The following MID1 variants were observed in gnomAD, a reference collection of about 807,000 sequenced individuals.
MID1 encodes E3 ubiquitin-protein ligase Midline-1.
Under a neutral mutation model 40.4 loss-of-function variants are expected in MID1, and 7 were observed. The observed-to-expected ratio is 0.17, with a 90% CI of 0.10 to 0.33. The LOEUF (loss-of-function observed/expected upper bound fraction) is 0.33. MID1 is among the 10% of genes least tolerant of loss of function. The pLI is 1.00. For missense variants in MID1, 367 were observed against 558.5 expected, an observed-to-expected ratio of 0.66 and a Z score of 3.46; for synonymous variants, 229 against 221.2, an observed-to-expected ratio of 1.04 and a Z score of -0.31.
chrX:10,583,745 G>A (rs749217902), intron 1 of MID1, among the ~76,000 whole-genome samples: 3 of 111,885 alleles, frequency 2.7e-5, no homozygotes, highest in African/African-American at 9.7e-5. Flanking sequence ...AAAGAACAGC[G>A]ATTTAGGCCA....
intron 8 of MID1, among the ~76,000 whole-genome samples, chrX:10,457,690 T>C (rs774314884): frequency 3.6e-5 from 4 of 112,308 alleles, no homozygotes; most frequent in South Asian, 3.7e-4. Flanking sequence ...CCACCAATCA[T>C]TGGTATACAA....
At chrX:10,502,637 C>G (rs1241500749) in intron 3 of MID1, among the ~76,000 whole-genome samples, 1 of 111,909 alleles carries the variant, frequency 8.9e-6, no homozygotes, top group African/African-American at 3.2e-5. Context: ...ACCTTGCCAT[C>G]TTTGAAACCA....
intron 1 of MID1, among the ~76,000 whole-genome samples, chrX:10,646,978 A>C (rs1229264681): frequency 8.9e-6 from 1 of 111,746 alleles, no homozygotes; most frequent in Non-Finnish European, 1.9e-5. Context: ...ACAATATCTT[A>C]ATTGGAGGAT....
intron 1 of MID1, among the ~76,000 whole-genome samples, chrX:10,737,859 A>G (rs2018143883): frequency 9.0e-6 from 1 of 110,793 alleles, no homozygotes; most frequent in Admixed American, 9.6e-5. Context: ...AGACAAGAAT[A>G]CTCTTAAAGA....
chrX:10,824,026 T>G (rs1042162210), intron 1 of MID1, among the ~76,000 whole-genome samples: 1 of 112,155 alleles, frequency 8.9e-6, no homozygotes, highest in African/African-American at 3.2e-5. Context: ...ACTCATATAT[T>G]GATTTATGCT....
chrX:10,607,496 C>T (rs1935646599), intron 1 of MID1, among the ~76,000 whole-genome samples: 1 of 111,760 alleles, frequency 8.9e-6, no homozygotes, highest in Non-Finnish European at 1.9e-5. Context: ...AATCCTGACC[C>T]GGGAGAATCT....
chrX:10,634,702 G>A (rs1936090228), intron 1 of MID1, among the ~76,000 whole-genome samples: 1 of 112,265 alleles, frequency 8.9e-6, no homozygotes, highest in Admixed American at 9.4e-5. Flanking sequence ...AAGAGCGTAA[G>A]AGATGGTGTG....
intron 1 of MID1, among the ~76,000 whole-genome samples, chrX:10,812,210 G>A (rs1375676638): frequency 9.0e-6 from 1 of 111,366 alleles, no homozygotes; most frequent in Non-Finnish European, 1.9e-5. Flanking sequence ...GTGATGCGGT[G>A]GGAGGCAGGC....
intron 2 of MID1, among the ~76,000 whole-genome samples, chrX:10,531,127 CT>C (rs1932956011): frequency 8.9e-6 from 1 of 111,736 alleles, no homozygotes; most frequent in South Asian, 3.8e-4. Context: ...AACACCACCA[CT>C]CCAGCGTGAT....
intron 7 of MID1, among the ~76,000 whole-genome samples, chrX:10,461,745 T>C (rs969560315): frequency 1.7e-4 from 19 of 112,315 alleles, no homozygotes; most frequent in African/African-American, 5.2e-4. Context: ...TCAATGGCAG[T>C]CAGCCACGAA....
chrX:10,638,968 C>T (rs113589295), intron 1 of MID1, among the ~76,000 whole-genome samples: 11 of 112,343 alleles, frequency 9.8e-5, no homozygotes, highest in Admixed American at 2.8e-4. Context: ...GGAAAACTAA[C>T]AAAGAGAAAG....
chrX:10,642,355 C>T (rs1169500227), intron 1 of MID1, among the ~76,000 whole-genome samples: 1 of 110,568 alleles, frequency 9.0e-6, no homozygotes, highest in Non-Finnish European at 1.9e-5. Context: ...AAATCACAAG[C>T]ATTCCTACAC....
intron 7 of MID1, 109 bp from the exon 8 acceptor site, chrX:10,459,916 G>C: frequency 1.2e-6 from 1 of 866,610 alleles, no homozygotes. Flanking sequence ...GGTAAGTGAA[G>C]TGCTTTGTCT....
intron 1 of MID1, among the ~76,000 whole-genome samples, chrX:10,744,453 G>A (rs943812034): frequency 2.7e-5 from 3 of 111,559 alleles, no homozygotes; most frequent in African/African-American, 6.5e-5. Flanking sequence ...TTGACTTAAT[G>A]AGCCTCAACA....
chrX:10,803,379 G>C (rs1370444784), intron 1 of MID1, among the ~76,000 whole-genome samples: 1 of 96,519 alleles, frequency 1.0e-5, no homozygotes, highest in Non-Finnish European at 2.0e-5. Flanking sequence ...TTGAGACAGA[G>C]TCTTGATCTG....
At chrX:10,696,638 C>T (rs1030019795) in intron 1 of MID1, among the ~76,000 whole-genome samples, 1 of 111,804 alleles carries the variant, frequency 8.9e-6, no homozygotes, top group African/African-American at 3.3e-5. Flanking sequence ...CTGACAATTA[C>T]ATGTTGAAAT....
chrX:10,504,959 T>C (rs1178183351), intron 3 of MID1, among the ~76,000 whole-genome samples: 1 of 111,616 alleles, frequency 9.0e-6, no homozygotes, highest in Non-Finnish European at 1.9e-5. Context: ...CACAGTTTGC[T>C]GACCTCTGGC....
intron 1 of MID1, among the ~76,000 whole-genome samples, chrX:10,756,447 T>G (rs1170627510): frequency 8.9e-6 from 1 of 112,149 alleles, no homozygotes; most frequent in Non-Finnish European, 1.9e-5. Context: ...TAAATTACAG[T>G]GAACAAAGAA....
intron 1 of MID1, among the ~76,000 whole-genome samples, chrX:10,577,525 T>C (rs745502072): frequency 1.8e-5 from 2 of 111,055 alleles, no homozygotes; most frequent in Non-Finnish European, 3.8e-5. Flanking sequence ...CTTCCAAAAA[T>C]AGTGACCTAA....
Sources: gnomAD v4.1 joint callset for allele counts (sites outside exome capture counted in the v4.1 genomes callset) on GRCh38, gnomAD v4.1.1 for gene constraint, MANE v1.5 for transcripts, NCBI Gene and HGNC (gene_info 2026-07-23, HGNC 2026-07-21) for gene names.